MYMX: variants seen among roughly 807,000 people sequenced by gnomAD.
MYMX encodes the protein myomixer, myoblast fusion factor, also known as protein myomixer.
At chr6:44,207,601 C>T in the MYMX span, among the ~76,000 whole-genome samples, 5 of 151,796 alleles carry the variant, frequency 3.3e-5, no homozygotes, top group African/African-American at 7.3e-5. Context: ...GGCATGGTCT[C>T]GGTTAACTGT....
chr6:44,207,683 C>T, the MYMX span, among the ~76,000 whole-genome samples: 1 of 152,210 alleles, frequency 6.6e-6, no homozygotes, highest in African/African-American at 2.4e-5. Flanking sequence ...CAGGCATGCA[C>T]CACCACGCCC....
the MYMX span, among the ~76,000 whole-genome samples, chr6:44,196,553 C>A: frequency 6.6e-6 from 1 of 152,012 alleles, no homozygotes; most frequent in Non-Finnish European, 1.5e-5. Flanking sequence ...GCGATGCACA[C>A]CTGTAATCCC....
At chr6:44,200,682 G>A in the MYMX span, among the ~76,000 whole-genome samples, 1 of 152,054 alleles carries the variant, frequency 6.6e-6, no homozygotes, top group Non-Finnish European at 1.5e-5. Flanking sequence ...CCCCACATCA[G>A]ATATGCTAGG....
At chr6:44,198,062 T>C in the MYMX span, among the ~76,000 whole-genome samples, 26 of 152,224 alleles carry the variant, frequency 1.7e-4, no homozygotes, top group Middle Eastern at 3.4e-3. Context: ...CATAGGAGTT[T>C]ATTATACTAT....
At chr6:44,211,349 C>A in the MYMX span, among the ~76,000 whole-genome samples, 2 of 151,886 alleles carry the variant, frequency 1.3e-5, no homozygotes, top group Non-Finnish European at 2.9e-5. Context: ...TGCATACTTT[C>A]GGTTAGGAAA....
At chr6:44,194,702 G>A in the MYMX span, among the ~76,000 whole-genome samples, 1 of 152,180 alleles carries the variant, frequency 6.6e-6, no homozygotes, top group Admixed American at 6.5e-5. Context: ...GAAGCAAGAG[G>A]CCTGCCTGCC....
At chr6:44,208,526 C>A in the MYMX span, among the ~76,000 whole-genome samples, 2 of 152,172 alleles carry the variant, frequency 1.3e-5, no homozygotes, top group Non-Finnish European at 2.9e-5. Flanking sequence ...TCTAGACCCC[C>A]TAAACTGCCC....
the MYMX span, chr6:44,209,899 A>T: frequency 6.8e-6 from 1 of 147,562 alleles, no homozygotes; most frequent in Non-Finnish European, 1.5e-5. Context: ...GCGACAGAGC[A>T]AGACTCTGTG....
chr6:44,199,033 C>T, the MYMX span, among the ~76,000 whole-genome samples: 2 of 152,272 alleles, frequency 1.3e-5, no homozygotes, highest in Admixed American at 1.3e-4. Context: ...CAGCAATTCC[C>T]CCTCTCCCCT....
At chr6:44,216,338 T>C (rs115274676), upstream of MYMX, among the ~76,000 whole-genome samples, 115 of 152,248 alleles carry the variant, frequency 7.6e-4, no homozygotes, top group African/African-American at 2.6e-3. Flanking sequence ...TCAACGTTCT[T>C]AAGGAAACAC....
upstream of MYMX, among the ~76,000 whole-genome samples, chr6:44,212,290 G>A (rs866448859): frequency 2.4e-4 from 37 of 151,748 alleles, no homozygotes; most frequent in African/African-American, 8.2e-4. Flanking sequence ...CTGTAGTCCC[G>A]GCTACTGGGA....
chr6:44,212,902 C>T (rs1775672983), upstream of MYMX, among the ~76,000 whole-genome samples: 3 of 151,262 alleles, frequency 2.0e-5, no homozygotes, highest in South Asian at 6.3e-4. Flanking sequence ...CACGCATGCA[C>T]CTGTAGTTCC....
chr6:44,203,997 A>G, the MYMX span, among the ~76,000 whole-genome samples: 1 of 152,048 alleles, frequency 6.6e-6, no homozygotes, highest in Non-Finnish European at 1.5e-5. Context: ...ACAGGCACGC[A>G]TCGCCATGCC....
chr6:44,210,253 T>C, the MYMX span, among the ~76,000 whole-genome samples: 1 of 151,052 alleles, frequency 6.6e-6, no homozygotes, highest in South Asian at 2.1e-4. Flanking sequence ...CCAATATATA[T>C]ACCTTTTAAC....
At chr6:44,211,921 C>T in the MYMX span, among the ~76,000 whole-genome samples, 1 of 151,846 alleles carries the variant, frequency 6.6e-6, no homozygotes, top group Non-Finnish European at 1.5e-5. Context: ...CTGGGATTAC[C>T]CGTGAGAGCC....
At chr6:44,194,916 G>A in the MYMX span, among the ~76,000 whole-genome samples, 1 of 152,030 alleles carries the variant, frequency 6.6e-6, no homozygotes, top group African/African-American at 2.4e-5. Flanking sequence ...AAAATACAGA[G>A]GATAGCAAAT....
the MYMX span, among the ~76,000 whole-genome samples, chr6:44,209,032 C>T: frequency 6.6e-6 from 1 of 152,232 alleles, no homozygotes; most frequent in Non-Finnish European, 1.5e-5. Flanking sequence ...GGCATGATCT[C>T]AGCTCACTGC....
the MYMX span, among the ~76,000 whole-genome samples, chr6:44,205,949 C>T: frequency 3.1e-5 from 4 of 129,698 alleles, no homozygotes; most frequent in Admixed American, 9.1e-5. Flanking sequence ...CACTGCACTC[C>T]AGTCTGAGAG....
the MYMX span, among the ~76,000 whole-genome samples, chr6:44,204,722 C>T: frequency 1.3e-5 from 2 of 152,174 alleles, no homozygotes; most frequent in Admixed American, 1.3e-4. Flanking sequence ...ATGTCTCCAT[C>T]ACCCCTAGAG....
Sources: gnomAD v4.1 joint callset for allele counts (sites outside exome capture counted in the v4.1 genomes callset) on GRCh38, gnomAD v4.1.1 for gene constraint, MANE v1.5 for transcripts, NCBI Gene and HGNC (gene_info 2026-07-23, HGNC 2026-07-21) for gene names.